DOCK4: variants seen among roughly 807,000 people sequenced by gnomAD.
DOCK4 encodes dedicator of cytokinesis 4, also known as dedicator of cytokinesis protein 4.
A neutral mutation model predicts 268.1 loss-of-function variants in DOCK4; 97 were observed. That is an observed-to-expected ratio of 0.36 (90% CI 0.31 to 0.43). DOCK4 has a LOEUF of 0.43. Ranked by LOEUF, DOCK4 falls within the 20% of genes least tolerant of loss-of-function variation. The probability of loss-of-function intolerance (pLI) is 1.00; values close to 1 mark genes in which losing one functional copy is unlikely to be tolerated. For missense variants in DOCK4, 2,145 were observed against 2,455.7 expected (o/e 0.87, Z 2.67); for synonymous variants, 954 against 887.2 (o/e 1.08, Z -1.34).
chr7:111,809,505 G>T, intron 28 of DOCK4, 104 bp from the exon 29 acceptor site: 1 of 901,298 alleles, frequency 1.1e-6, no homozygotes, highest in Non-Finnish European at 1.7e-6. Flanking sequence ...TGAGGGTATA[G>T]TTGAAGTAAG....
intron 1 of DOCK4, among the ~76,000 whole-genome samples, chr7:112,043,680 G>A (rs1390725615): frequency 6.6e-6 from 1 of 151,916 alleles, no homozygotes; most frequent in Non-Finnish European, 1.5e-5. Context: ...GCGAATGTCA[G>A]GGAATGAACA....
At chr7:112,012,629 A>G (rs1801437042) in intron 1 of DOCK4, among the ~76,000 whole-genome samples, 1 of 152,204 alleles carries the variant, frequency 6.6e-6, no homozygotes, top group Admixed American at 6.5e-5. Context: ...TTTTCCAACC[A>G]ATTGTACTTA....
intron 20 of DOCK4, 46 bp downstream of exon 20, chr7:111,871,944 T>C (rs756618699): frequency 4.1e-6 from 6 of 1,450,344 alleles, no homozygotes; most frequent in African/African-American, 2.9e-5. Context: ...TGAGAAAAGC[T>C]TGAAAGGAAC....
chr7:111,756,735 G>C (rs1317041369), intron 41 of DOCK4, among the ~76,000 whole-genome samples: 1 of 151,682 alleles, frequency 6.6e-6, no homozygotes, highest in Non-Finnish European at 1.5e-5. Flanking sequence ...TCCTGAAATA[G>C]TGCCATTTAC....
chr7:111,794,565 G>A (rs1201767718), intron 30 of DOCK4, among the ~76,000 whole-genome samples: 3 of 152,236 alleles, frequency 2.0e-5, no homozygotes, highest in South Asian at 4.1e-4. Flanking sequence ...GAGAAGAGAA[G>A]GCTTTCAGAA....
intron 1 of DOCK4, among the ~76,000 whole-genome samples, chr7:112,095,846 C>G (rs1352883873): frequency 1.3e-5 from 2 of 152,146 alleles, no homozygotes; most frequent in Non-Finnish European, 2.9e-5. Flanking sequence ...TTTTGGGAGG[C>G]TGAGGCAGGC....
At chr7:112,203,094 G>A (rs1325689983) in intron 1 of DOCK4, among the ~76,000 whole-genome samples, 1 of 152,172 alleles carries the variant, frequency 6.6e-6, no homozygotes, top group Non-Finnish European at 1.5e-5. Context: ...TACCAGGGAA[G>A]GCTTTAGTTA....
At chr7:112,043,477 G>A (rs1804578057) in intron 1 of DOCK4, among the ~76,000 whole-genome samples, 1 of 151,664 alleles carries the variant, frequency 6.6e-6, no homozygotes, top group Non-Finnish European at 1.5e-5. Flanking sequence ...TGCCTAAAAT[G>A]TTAAAGGCAA....
intron 1 of DOCK4, chr7:112,023,660 A>C (rs1392781426): frequency 2.2e-6 from 1 of 453,822 alleles, no homozygotes; most frequent in Non-Finnish European, 4.4e-6. Flanking sequence ...GAATCCAACC[A>C]CTAGAATACT....
Position 111,957,138 on chromosome 7 carries a change from A to T in DOCK4, c.702-11340T>A, listed in dbSNP as rs201966432. ...GGTATATTATTTTCTGTTGAAGTCT[A>T]TAGTTTATATACTTCTAAAAAGAAA... is the stretch of plus-strand genomic sequence containing the variant. On this transcript the variant is annotated intron_variant, in intron 8 of 52. Coordinates refer to ENST00000428084, the MANE Select transcript of DOCK4 (RefSeq NM_001363540.2). Among the ~76,000 whole-genome samples the T allele has an allele frequency of 1.1e-3, 160 of 152,282 alleles. 3 individuals are homozygous for T. In the East Asian group the frequency reaches 0.029, roughly 28 times the overall value.
rs1178295163 is a variant in DOCK4 at position 111,741,852 on chromosome 7, G to A, written c.4797+161C>T. On this transcript the variant is annotated intron_variant, in intron 45 of 52. Transcript: ENST00000428084. ...TGTGTTTTCCCAAAAGGAAAGCCTC[G>A]CAAATAGCAGACAAGGCAATTGTAT... Among the ~76,000 whole-genome samples the A allele has an allele frequency of 4.6e-5, 7 of 152,284 alleles. No homozygotes were observed. In the South Asian group the frequency reaches 1.4e-3, roughly 32 times the overall value.
At chr7:111,809,184 G>A (rs760993591) in intron 29 of DOCK4, 117 bp downstream of exon 29, 18 of 840,110 alleles carry the variant, frequency 2.1e-5, no homozygotes, top group Non-Finnish European at 3.2e-5. Context: ...TTGACCCCTT[G>A]GTCACTGGTT....
At chr7:111,928,586 C>CTTTT (rs200976875) in intron 12 of DOCK4, among the ~76,000 whole-genome samples, 4 of 129,514 alleles carry the variant, frequency 3.1e-5, no homozygotes, top group East Asian at 2.1e-4. Flanking sequence ...TTTTCTTTTT[C>CTTTT]TTTTTTTTTT....
chr7:112,002,196 G>A (rs1267411769), intron 2 of DOCK4, among the ~76,000 whole-genome samples: 4 of 152,096 alleles, frequency 2.6e-5, no homozygotes, highest in Admixed American at 6.6e-5. Context: ...AGTCTGAGGA[G>A]AGCAGAATGA....
At chr7:111,991,765 T>TCCTGGCTAACACAGTGAAAC (rs1799547527) in intron 5 of DOCK4, among the ~76,000 whole-genome samples, 1 of 151,404 alleles carries the variant, frequency 6.6e-6, no homozygotes, top group Non-Finnish European at 1.5e-5. Flanking sequence ...ATCGAGACCA[T>TCCTGGCTAACACAGTGAAAC]CCTGGCTAAC....
At chr7:111,838,002 C>T (rs879348348) in intron 25 of DOCK4, among the ~76,000 whole-genome samples, 1 of 145,598 alleles carries the variant, frequency 6.9e-6, no homozygotes, top group Non-Finnish European at 1.5e-5. Flanking sequence ...AGGAGAATTG[C>T]TTGAACCCAG....
At chr7:112,101,997 C>T (rs1810743713) in intron 1 of DOCK4, among the ~76,000 whole-genome samples, 2 of 152,284 alleles carry the variant, frequency 1.3e-5, no homozygotes, top group Admixed American at 6.5e-5. Context: ...CACCCGCCAC[C>T]ACGCCCAGCT....
intron 22 of DOCK4, 116 bp from the exon 23 acceptor site, chr7:111,863,680 T>C: frequency 9.2e-7 from 1 of 1,085,148 alleles, no homozygotes; most frequent in Non-Finnish European, 1.3e-6. Context: ...GGAATAGAAG[T>C]ATGAAATGTT....
At chr7:111,763,138 C>CT (rs1797561166) in intron 39 of DOCK4, among the ~76,000 whole-genome samples, 1 of 151,820 alleles carries the variant, frequency 6.6e-6, no homozygotes, top group African/African-American at 2.4e-5. Context: ...TATTTGAGTG[C>CT]TAAAAATTAT....
Sources: gnomAD v4.1 joint callset for allele counts (sites outside exome capture counted in the v4.1 genomes callset) on GRCh38, gnomAD v4.1.1 for gene constraint, MANE v1.5 for transcripts, NCBI Gene and HGNC (gene_info 2026-07-23, HGNC 2026-07-21) for gene names.